Variants in UBE2E3 observed in about 807,000 individuals in gnomAD.
The protein encoded by UBE2E3 is ubiquitin conjugating enzyme E2 E3.
UBE2E3 carries 5 observed loss-of-function variants against 23.6 expected under a neutral mutation model. The observed-to-expected ratio is 0.21, with a 90% CI of 0.11 to 0.44. The LOEUF (loss-of-function observed/expected upper bound fraction) is 0.44. UBE2E3 is among the 20% of genes least tolerant of loss of function. The pLI, the probability that UBE2E3 is intolerant of heterozygous loss-of-function variation, is 0.99. For synonymous variants in UBE2E3, 78 were observed against 87.5 expected, an observed-to-expected ratio of 0.89 and a Z score of 0.60; for missense variants, 81 against 249.8, an observed-to-expected ratio of 0.32 and a Z score of 4.55.
chr2:180,983,575 T>C (rs1047265732), intron 2 of UBE2E3, among the ~76,000 whole-genome samples: 1 of 151,960 alleles, frequency 6.6e-6, no homozygotes, highest in Non-Finnish European at 1.5e-5. Context: ...ATTTTAAACT[T>C]TTTTTTTGAC....
chr2:180,987,733 TTGTC>T (rs1363172739), intron 3 of UBE2E3, among the ~76,000 whole-genome samples: 1 of 152,162 alleles, frequency 6.6e-6, no homozygotes, highest in Non-Finnish European at 1.5e-5. Flanking sequence ...ATTAGCCTAA[TTGTC>T]TGAGGATAAA....
chr2:180,989,453 A>T (rs921464346), intron 3 of UBE2E3, among the ~76,000 whole-genome samples: 2 of 152,192 alleles, frequency 1.3e-5, no homozygotes, highest in Non-Finnish European at 2.9e-5. Flanking sequence ...TATCCTATAC[A>T]TTCTTTACCT....
At chr2:180,988,784 C>G (rs1481465320) in intron 3 of UBE2E3, among the ~76,000 whole-genome samples, 2 of 152,086 alleles carry the variant, frequency 1.3e-5, no homozygotes, top group African/African-American at 2.4e-5. Flanking sequence ...GTTTTAAACT[C>G]TCTCACACAT....
intron 3 of UBE2E3, among the ~76,000 whole-genome samples, chr2:181,048,540 A>T (rs1240890945): frequency 1.3e-5 from 2 of 152,124 alleles, no homozygotes; most frequent in African/African-American, 4.8e-5. Flanking sequence ...AAACGAGGTC[A>T]TTCTTGGGAA....
intron 3 of UBE2E3, among the ~76,000 whole-genome samples, chr2:181,021,599 CCTTCCTTCCTTCCTCCCTCT>C: frequency 1.9e-5 from 2 of 105,308 alleles, no homozygotes; most frequent in African/African-American, 3.6e-5. Context: ...TTCCTCCCTC[CCTTCCTTCCTTCCTCCCTCT>C]CTCCCTCCCT....
intron 3 of UBE2E3, among the ~76,000 whole-genome samples, chr2:181,011,962 A>G (rs1243785662): frequency 6.6e-6 from 1 of 152,190 alleles, no homozygotes; most frequent in Non-Finnish European, 1.5e-5. Context: ...CATAGAGTGT[A>G]TCATATTTTC....
intron 3 of UBE2E3, among the ~76,000 whole-genome samples, chr2:181,003,591 A>C (rs1046708753): frequency 6.6e-6 from 1 of 152,236 alleles, no homozygotes; most frequent in Non-Finnish European, 1.5e-5. Context: ...CCTGAATGTC[A>C]TAAGTCAGTT....
chr2:181,044,822 G>GTAAT (rs1273851566), intron 3 of UBE2E3, among the ~76,000 whole-genome samples: 1 of 152,102 alleles, frequency 6.6e-6, no homozygotes, highest in Non-Finnish European at 1.5e-5. Flanking sequence ...GTACTCTCCA[G>GTAAT]TAATTGTTCA....
intron 3 of UBE2E3, among the ~76,000 whole-genome samples, chr2:181,013,535 G>A (rs1685395410): frequency 6.6e-6 from 1 of 151,130 alleles, no homozygotes; most frequent in South Asian, 2.1e-4. Flanking sequence ...CTGCTTAAGT[G>A]TTCTCATAAA....
chr2:181,003,903 C>A (rs961256435), intron 3 of UBE2E3, among the ~76,000 whole-genome samples: 1 of 152,132 alleles, frequency 6.6e-6, no homozygotes, highest in African/African-American at 2.4e-5. Flanking sequence ...ATGTTACTAT[C>A]TTTTTAGAAA....
intron 3 of UBE2E3, among the ~76,000 whole-genome samples, chr2:181,047,155 C>T (rs775824607): frequency 6.6e-6 from 1 of 152,090 alleles, no homozygotes; most frequent in Non-Finnish European, 1.5e-5. Flanking sequence ...CTTTTCAAAC[C>T]CAGCTTCTTT....
chr2:181,017,642 C>T (rs1685537516), intron 3 of UBE2E3, among the ~76,000 whole-genome samples: 1 of 44,026 alleles, frequency 2.3e-5, no homozygotes, highest in South Asian at 1.3e-3. Flanking sequence ...CTGGACTCTT[C>T]CTTGATCCAT....
At chr2:180,984,303 T>C (rs1212123330) in intron 3 of UBE2E3, among the ~76,000 whole-genome samples, 1 of 152,216 alleles carries the variant, frequency 6.6e-6, no homozygotes, top group Non-Finnish European at 1.5e-5. Context: ...GATTTATGAA[T>C]ATACTGATTT....
At position 180,983,808 on chromosome 2, in the gene UBE2E3, A is replaced by G. The variant is rs1176876581; in HGVS notation, c.195-235A>G. ...GTACTAGTGGATGAGTATTTCTCCA[A>G]TCAAGTGTAAATGACTTACTTGTTT... On this transcript the variant is annotated intron_variant, in intron 2 of 5. Coordinates refer to ENST00000410062, the MANE Select transcript of UBE2E3 (RefSeq NM_006357.4). Among the ~76,000 whole-genome samples the G allele has an allele frequency of 5.9e-5, 9 of 152,234 alleles. No individual in the cohort carries two copies. In the East Asian group the frequency reaches 9.6e-4, roughly 16 times the overall value.
chr2:181,059,055 G>A (rs764816794), intron 4 of UBE2E3, among the ~76,000 whole-genome samples: 16 of 151,756 alleles, frequency 1.1e-4, no homozygotes, highest in Admixed American at 6.6e-4. Flanking sequence ...ATGATTTGCC[G>A]TAATTTTGAT....
Position 181,003,674 on chromosome 2 carries a change from C to T in UBE2E3, c.245+19581C>T, listed in dbSNP as rs558011452. 3.9e-5 allele frequency among the ~76,000 whole-genome samples: 6 copies of T among 152,292 alleles called. No individual in the cohort carries two copies. The South Asian group carries it at 1.0e-3, about 26-fold the overall frequency. ...AAAATTTATTTGTTTGCACATAGTA[C>T]ACTGTGGAACCAGACTGTATTTTCT... On this transcript the variant is annotated intron_variant, in intron 3 of 5. Coordinates refer to ENST00000410062, the MANE Select transcript of UBE2E3 (RefSeq NM_006357.4).
At chr2:180,988,929 G>A (rs530077240) in intron 3 of UBE2E3, among the ~76,000 whole-genome samples, 3 of 151,990 alleles carry the variant, frequency 2.0e-5, no homozygotes, top group East Asian at 3.9e-4. Flanking sequence ...CCTGGAACCC[G>A]CTTTTTATAA....
At chr2:181,024,674 G>A (rs759666505) in intron 3 of UBE2E3, among the ~76,000 whole-genome samples, 1 of 151,938 alleles carries the variant, frequency 6.6e-6, no homozygotes, top group African/African-American at 2.4e-5. Context: ...ATACAATAAA[G>A]CTGAAAATTT....
intron 2 of UBE2E3, 84 bp from the exon 3 acceptor site, chr2:180,983,959 C>T (rs1302805636): frequency 4.7e-6 from 5 of 1,074,956 alleles, no homozygotes; most frequent in Non-Finnish European, 6.7e-6. Flanking sequence ...CATTTAACTG[C>T]ATGGTGGTAG....
Sources: allele counts gnomAD v4.1 joint callset (sites outside exome capture counted in the v4.1 genomes callset), GRCh38; gene constraint gnomAD v4.1.1; transcripts MANE v1.5; gene names NCBI Gene and HGNC (gene_info 2026-07-23, HGNC 2026-07-21).